Variants in TENM2 observed in about 807,000 individuals in gnomAD.
TENM2 encodes the protein teneurin transmembrane protein 2, also known as teneurin-2.
TENM2 carries 52 observed loss-of-function variants against 245.2 expected under a neutral mutation model. The observed-to-expected ratio is 0.21, with a 90% CI of 0.17 to 0.27. TENM2 has a LOEUF of 0.27. Among genes scored for constraint, TENM2 ranks in the 10% least tolerant of loss-of-function variants. The probability of loss-of-function intolerance (pLI) is 1.00; values close to 1 mark genes in which losing one functional copy is unlikely to be tolerated. For missense variants in TENM2, 3,046 were observed against 3,666.8 expected, an observed-to-expected ratio of 0.83 and a Z score of 4.37; for synonymous variants, 1,363 against 1,438.9, an observed-to-expected ratio of 0.95 and a Z score of 1.19.
intron 2 of TENM2, among the ~76,000 whole-genome samples, chr5:167,469,928 A>G (rs1582136124): frequency 1.3e-5 from 2 of 152,262 alleles, no homozygotes; most frequent in East Asian, 3.9e-4. Flanking sequence ...TAAATTTACC[A>G]TGTTAGTAGT....
intron 2 of TENM2, among the ~76,000 whole-genome samples, chr5:167,406,378 T>TA (rs1368560828): frequency 6.6e-6 from 1 of 152,160 alleles, no homozygotes; most frequent in Non-Finnish European, 1.5e-5. Flanking sequence ...TCAATGGACT[T>TA]AAAGAGCTCA....
chr5:168,138,762 AC>A (rs1331080783), intron 12 of TENM2, among the ~76,000 whole-genome samples: 1 of 152,168 alleles, frequency 6.6e-6, no homozygotes, highest in Non-Finnish European at 1.5e-5. Context: ...TGGGGTCTAC[AC>A]CCCCTCCATC....
intron 1 of TENM2, among the ~76,000 whole-genome samples, chr5:167,300,930 G>A (rs543821465): frequency 2.6e-5 from 4 of 152,250 alleles, no homozygotes; most frequent in African/African-American, 7.2e-5. Flanking sequence ...ATCTAAGTTG[G>A]CCCCAGAATT....
At chr5:167,864,916 A>C (rs1772170935) in intron 2 of TENM2, among the ~76,000 whole-genome samples, 1 of 152,250 alleles carries the variant, frequency 6.6e-6, no homozygotes, top group Non-Finnish European at 1.5e-5. Context: ...GAACCGCAAG[A>C]AGTGAACATA....
chr5:167,831,485 CTTTTTT>C lies in TENM2; in HGVS notation c.503-44485_503-44480del, dbSNP rs10667494. Among the ~76,000 whole-genome samples the C allele has an allele frequency of 2.3e-5, 3 of 127,800 alleles. 1 individual carries two copies. The South Asian group carries it at 7.8e-4, about 33-fold the overall frequency. The allele number at this position is 127,800 out of a possible 152,430, so 83.8% of individuals were successfully genotyped here. A position where few individuals can be genotyped will look rare whatever the true frequency, so the allele number is the denominator to read the frequency against. ...AAATCAGCTGCAAAAGAGTTCAGCACTTTTTTTTTTTTTTTTTTTTTAAGAATACTG... is the reference window on the plus strand; with the variant it reads ...AAATCAGCTGCAAAAGAGTTCAGCACTTTTTTTTTTTTTTTAAGAATACTG... On this transcript the variant is annotated intron_variant, in intron 2 of 28. Transcript: ENST00000518659.
chr5:167,926,015 C>T (rs11740138), intron 3 of TENM2, among the ~76,000 whole-genome samples: 29,693 of 152,054 alleles, frequency 0.2, 3,704 homozygotes, highest in African/African-American at 0.36. Context: ...CTGGGCTTAA[C>T]GCCTGGGTGA....
At chr5:166,994,222 G>A in the TENM2 span, among the ~76,000 whole-genome samples, 1 of 152,192 alleles carries the variant, frequency 6.6e-6, no homozygotes, top group African/African-American at 2.4e-5. Flanking sequence ...CTTTGTGAAA[G>A]ATAGCAAAAT....
intron 7 of TENM2, among the ~76,000 whole-genome samples, chr5:168,078,396 G>C (rs1268941576): frequency 2.6e-5 from 4 of 152,088 alleles, no homozygotes; most frequent in Non-Finnish European, 5.9e-5. Flanking sequence ...TCACTCTGAT[G>C]GTAGTTTCTT....
intron 3 of TENM2, among the ~76,000 whole-genome samples, chr5:167,902,489 G>C (rs761020824): frequency 6.6e-6 from 1 of 151,982 alleles, no homozygotes; most frequent in Non-Finnish European, 1.5e-5. Context: ...TTCTGCCTCC[G>C]CGACACAGAT....
chr5:167,348,038 G>A (rs988524752), intron 1 of TENM2, among the ~76,000 whole-genome samples: 1 of 152,212 alleles, frequency 6.6e-6, no homozygotes, highest in East Asian at 1.9e-4. Context: ...CAGCAGGCAA[G>A]GGAATGTTCC....
At chr5:168,225,524 G>A (rs754425786) in intron 23 of TENM2, among the ~76,000 whole-genome samples, 6 of 152,280 alleles carry the variant, frequency 3.9e-5, no homozygotes, top group Non-Finnish European at 8.8e-5. Flanking sequence ...ACTTTGGGAG[G>A]CCAAGGCAGG....
At chr5:167,649,996 T>C (rs1754342703) in intron 2 of TENM2, among the ~76,000 whole-genome samples, 1 of 152,182 alleles carries the variant, frequency 6.6e-6, no homozygotes, top group African/African-American at 2.4e-5. Context: ...ATAAAGTGGT[T>C]ATTGTGGTTG....
chr5:167,599,340 G>T (rs1035971450), intron 2 of TENM2, among the ~76,000 whole-genome samples: 1 of 152,060 alleles, frequency 6.6e-6, no homozygotes, highest in Non-Finnish European at 1.5e-5. Flanking sequence ...TTGCAGATGG[G>T]CATTTTAATT....
At chr5:167,547,505 T>G (rs1772643038) in intron 2 of TENM2, among the ~76,000 whole-genome samples, 1 of 152,254 alleles carries the variant, frequency 6.6e-6, no homozygotes, top group African/African-American at 2.4e-5. Context: ...TATTTTGAAA[T>G]GTTTATCTTA....
the TENM2 span, among the ~76,000 whole-genome samples, chr5:167,202,835 C>A: frequency 1.3e-5 from 2 of 152,144 alleles, no homozygotes; most frequent in East Asian, 3.9e-4. Flanking sequence ...TTCCCTCTTC[C>A]CTGTGTCCTT....
At chr5:167,371,464 C>T (rs747829605) in intron 1 of TENM2, among the ~76,000 whole-genome samples, 11 of 151,200 alleles carry the variant, frequency 7.3e-5, no homozygotes, top group East Asian at 2.0e-4. Context: ...CGGGTTCAAG[C>T]GACTCTCCTG....
chr5:167,288,848 A>C (rs900703960), intron 1 of TENM2, among the ~76,000 whole-genome samples: 3 of 152,160 alleles, frequency 2.0e-5, no homozygotes, highest in Admixed American at 1.3e-4. Context: ...ATCACGTCCC[A>C]AAAAAATAAG....
In TENM2 at chr5:167,853,289, C is replaced by CAAAAAAAAAAAAAA. The variant is rs777170514; in HGVS notation, c.503-22687_503-22674dup. On this transcript the variant is annotated intron_variant, in intron 2 of 28. Transcript: ENST00000518659. ...TGGGAGACAGAGCGAGACTCCGTCTCAAAAAAAAAAAAAAAAAAAAAAAGA... is the reference window on the plus strand; with the variant it reads ...TGGGAGACAGAGCGAGACTCCGTCTCAAAAAAAAAAAAAAAAAAAAAAAAAAAAAAAAAAAAAGA... Among the ~76,000 whole-genome samples, 88 of 24,596 alleles carry CAAAAAAAAAAAAAA rather than the reference C, an allele frequency of 3.6e-3. 10 individuals carry two copies. Among genetic ancestry groups the CAAAAAAAAAAAAAA allele is most frequent in the African/African-American group, 7.4e-3 (49 of 6,616 alleles). The allele number at this position is 24,596 out of a possible 152,430, so 16.1% of individuals were successfully genotyped here. A position where few individuals can be genotyped will look rare whatever the true frequency, so the allele number is the denominator to read the frequency against.
rs552926928 is a variant in TENM2 at position 167,591,858 on chromosome 5, C to G, written c.502+216385C>G. The stretch of plus-strand genomic sequence containing the variant: ...AGCAGGATATATCCCCTGCTCTGAT[C>G]CATCTAAACAATGGTGCAATAAGAA... On this transcript the variant is annotated intron_variant, in intron 2 of 28. Coordinates refer to ENST00000518659, the Ensembl canonical transcript of TENM2. 2.0e-5 allele frequency among the ~76,000 whole-genome samples: 3 copies of G among 152,284 alleles called. No individual in the cohort carries two copies. The East Asian group carries it at 5.8e-4, about 29-fold the overall frequency.
Sources: allele counts gnomAD v4.1 joint callset (sites outside exome capture counted in the v4.1 genomes callset), GRCh38; gene constraint gnomAD v4.1.1; transcripts MANE v1.5; gene names NCBI Gene and HGNC (gene_info 2026-07-23, HGNC 2026-07-21).